The following ROR2 variants were observed in gnomAD, a reference collection of about 807,000 sequenced individuals.
The protein encoded by ROR2 is tyrosine-protein kinase transmembrane receptor ROR2.
ROR2 carries 33 observed loss-of-function variants against 74.9 expected under a neutral mutation model. That is an observed-to-expected ratio of 0.44 (90% CI 0.33 to 0.59). The LOEUF (loss-of-function observed/expected upper bound fraction) is 0.59, where lower values mean the gene tolerates loss of function less well. ROR2 is among the 20% of genes least tolerant of loss of function. The pLI, the probability that ROR2 is intolerant of heterozygous loss-of-function variation, is 0.02. For synonymous variants in ROR2, 586 were observed against 558.7 expected (o/e 1.05, Z -0.69); for missense variants, 1,216 against 1,313.8 (o/e 0.93, Z 1.15).
chr9:91,736,900 C>T (rs894399557), intron 5 of ROR2, among the ~76,000 whole-genome samples: 1 of 152,188 alleles, frequency 6.6e-6, no homozygotes, highest in Non-Finnish European at 1.5e-5. Context: ...TTCACTGCAG[C>T]ATCCCTACCA....
At chr9:91,839,840 T>C (rs1267357813) in intron 1 of ROR2, among the ~76,000 whole-genome samples, 1 of 152,044 alleles carries the variant, frequency 6.6e-6, no homozygotes, top group Non-Finnish European at 1.5e-5. Context: ...CCGACACTCC[T>C]GAGGGTGATC....
chr9:91,770,544 A>G (rs1199947267), intron 2 of ROR2, among the ~76,000 whole-genome samples: 1 of 152,238 alleles, frequency 6.6e-6, no homozygotes, highest in Non-Finnish European at 1.5e-5. Flanking sequence ...GCGTGCACCC[A>G]GCAGCTGACA....
In ROR2 at chr9:91,875,207, A is replaced by G. The variant is rs147414813; in HGVS notation, c.97+74660T>C. On this transcript the variant is annotated intron_variant, in intron 1 of 8. Coordinates refer to ENST00000375708, the MANE Select transcript of ROR2 (RefSeq NM_004560.4). ...ATGTAATTCCGTAAATGAAATGCCT[A>G]GAGATATCCTGCAAGTGCTTTCACA... Among the ~76,000 whole-genome samples the G allele has an allele frequency of 2.6e-4, 40 of 152,364 alleles. No individual in the cohort carries two copies. The East Asian group carries it at 3.3e-3, about 12-fold the overall frequency.
intron 1 of ROR2, among the ~76,000 whole-genome samples, chr9:91,859,537 T>C (rs1185477877): frequency 6.6e-6 from 1 of 152,064 alleles, no homozygotes; most frequent in East Asian, 1.9e-4. Context: ...AAAAACATGT[T>C]TCAGGCCAGG....
At chr9:91,823,567 T>G (rs1255441211) in intron 1 of ROR2, among the ~76,000 whole-genome samples, 3 of 152,120 alleles carry the variant, frequency 2.0e-5, no homozygotes, top group Non-Finnish European at 4.4e-5. Flanking sequence ...ATTACAGGCA[T>G]GAGCCACCGT....
chr9:91,871,352 G>A (rs1829791444), intron 1 of ROR2, among the ~76,000 whole-genome samples: 1 of 152,130 alleles, frequency 6.6e-6, no homozygotes, highest in South Asian at 2.1e-4. Context: ...CCATGGATTG[G>A]CATGATATAT....
intron 1 of ROR2, among the ~76,000 whole-genome samples, chr9:91,800,612 C>A (rs1469362724): frequency 6.6e-6 from 1 of 152,098 alleles, no homozygotes; most frequent in Non-Finnish European, 1.5e-5. Flanking sequence ...AATGTTAACA[C>A]AAAACTGAGG....
intron 1 of ROR2, among the ~76,000 whole-genome samples, chr9:91,802,841 G>A (rs1225707296): frequency 1.3e-5 from 2 of 152,124 alleles, no homozygotes; most frequent in Non-Finnish European, 2.9e-5. Context: ...AAGGCATTCA[G>A]GGGCCACACA....
At chr9:91,755,762 G>A (rs1825729541) in intron 4 of ROR2, among the ~76,000 whole-genome samples, 1 of 152,206 alleles carries the variant, frequency 6.6e-6, no homozygotes, top group African/African-American at 2.4e-5. Context: ...CTAATGAGCC[G>A]GTATCCTTCC....
intron 1 of ROR2, among the ~76,000 whole-genome samples, chr9:91,928,691 A>G (rs954593853): frequency 1.3e-5 from 2 of 152,232 alleles, no homozygotes; most frequent in African/African-American, 2.4e-5. Context: ...CCCCTCACAG[A>G]CTGTTTCAAA....
intron 1 of ROR2, among the ~76,000 whole-genome samples, chr9:91,846,996 G>A (rs1828953040): frequency 6.6e-6 from 1 of 152,106 alleles, no homozygotes; most frequent in Non-Finnish European, 1.5e-5. Flanking sequence ...ATTCACCATG[G>A]GGCAGAGCTG....
At chr9:91,822,170 C>G (rs10992124) in intron 1 of ROR2, among the ~76,000 whole-genome samples, 1 of 152,048 alleles carries the variant, frequency 6.6e-6, no homozygotes, top group East Asian at 1.9e-4. Flanking sequence ...ACCAGCTATA[C>G]AAAGTCAAGA....
In ROR2 at chr9:91,733,580, G is replaced by T; in HGVS notation, c.623-144C>A. The stretch of plus-strand genomic sequence containing the variant: ...CCCGCCCCAGACTCCCCAACCCCGA[G>T]CCCCGCACACCACCCTGGAGAGGCT... On this transcript the variant is annotated intron_variant, in intron 5 of 8. Coordinates refer to ENST00000375708, the MANE Select transcript of ROR2 (RefSeq NM_004560.4). The surrounding 1 kb of genome is among the most constrained non-coding windows in gnomAD (Gnocchi z 5.7). 1 of 843,984 alleles carries T rather than the reference G, an allele frequency of 1.2e-6. No individual in the cohort carries two copies. The highest frequency in any genetic ancestry group is 1.8e-6 in the Non-Finnish European group (1 of 560,064). The allele number at this position is 843,984 out of a possible 1,614,324, so 52.3% of individuals were successfully genotyped here.
chr9:91,769,215 A>T (rs1238257269), intron 2 of ROR2, among the ~76,000 whole-genome samples: 1 of 151,962 alleles, frequency 6.6e-6, no homozygotes, highest in Non-Finnish European at 1.5e-5. Flanking sequence ...CGCCCACAAA[A>T]TGTACCCCTA....
At chr9:91,934,568 A>G (rs1356521405) in intron 1 of ROR2, among the ~76,000 whole-genome samples, 3 of 152,148 alleles carry the variant, frequency 2.0e-5, no homozygotes, top group Non-Finnish European at 4.4e-5. Flanking sequence ...TGAGTAGTTC[A>G]ACGTATACCC....
intron 4 of ROR2, among the ~76,000 whole-genome samples, chr9:91,740,589 T>C (rs1037352080): frequency 6.6e-6 from 1 of 150,568 alleles, no homozygotes; most frequent in East Asian, 1.9e-4. Flanking sequence ...TATATATATA[T>C]ACATATATAT....
At chr9:91,908,849 T>G (rs760198892) in intron 1 of ROR2, among the ~76,000 whole-genome samples, 1 of 152,148 alleles carries the variant, frequency 6.6e-6, no homozygotes, top group African/African-American at 2.4e-5. Flanking sequence ...TGTAAACACC[T>G]TATATTTTCA....
intron 1 of ROR2, among the ~76,000 whole-genome samples, chr9:91,869,755 C>T (rs371927105): frequency 6.6e-6 from 1 of 152,126 alleles, no homozygotes; most frequent in Non-Finnish European, 1.5e-5. Flanking sequence ...CAAAGCTACC[C>T]ATACTTGTGT....
rs559555730 is a variant in ROR2, at chr9:91,847,875, T to G, written c.98-72057A>C. 1.5e-3 allele frequency among the ~76,000 whole-genome samples: 223 copies of G among 151,370 alleles called. 1 individual carries two copies. The highest frequency in any genetic ancestry group is 5.3e-3 in the African/African-American group (217 of 41,194). On this transcript the variant is annotated intron_variant, in intron 1 of 8. Transcript: ENST00000375708. ...GCAGGAAACACCCACGCAGACTCACTCTCCAGGACGGGAAGGATGCAGGAG... is the reference window on the plus strand; with the variant it reads ...GCAGGAAACACCCACGCAGACTCACGCTCCAGGACGGGAAGGATGCAGGAG...
Sources: allele counts gnomAD v4.1 joint callset (sites outside exome capture counted in the v4.1 genomes callset), GRCh38; gene constraint gnomAD v4.1.1; non-coding constraint Gnocchi (gnomAD v3.1); transcripts MANE v1.5; gene names NCBI Gene and HGNC (gene_info 2026-07-23, HGNC 2026-07-21).